Variants in FOXP1 observed in about 807,000 individuals in gnomAD.
The protein encoded by FOXP1 is forkhead box protein P1.
A neutral mutation model predicts 98.2 loss-of-function variants in FOXP1; 15 were observed. The observed-to-expected ratio is 0.15, with a 90% CI of 0.10 to 0.24. The LOEUF (loss-of-function observed/expected upper bound fraction) is 0.24, where lower values mean the gene tolerates loss of function less well. Ranked by LOEUF, FOXP1 falls within the 10% of genes least tolerant of loss-of-function variation. FOXP1 has a pLI of 1.00. For missense variants in FOXP1, 633 were observed against 848.5 expected (o/e 0.75, Z 3.15); for synonymous variants, 371 against 314.5 (o/e 1.18, Z -1.90).
At chr3:70,959,702 C>T (rs951708089) in intron 20 of FOXP1, among the ~76,000 whole-genome samples, 3 of 152,144 alleles carry the variant, frequency 2.0e-5, no homozygotes, top group Non-Finnish European at 4.4e-5. Flanking sequence ...GGTAGTGATG[C>T]TCTGAATCAC....
At chr3:71,223,530 C>T (rs749441379) in intron 5 of FOXP1, among the ~76,000 whole-genome samples, 4 of 151,878 alleles carry the variant, frequency 2.6e-5, no homozygotes, top group Admixed American at 2.0e-4. Flanking sequence ...CCAGTCTCTA[C>T]TAAAAATACA....
At chr3:71,503,264 A>G (rs543353702) in intron 2 of FOXP1, among the ~76,000 whole-genome samples, 1 of 152,310 alleles carries the variant, frequency 6.6e-6, no homozygotes, top group African/African-American at 2.4e-5. Context: ...AACAAAAGCC[A>G]TCTTACCAGA....
At chr3:71,458,781 C>T (rs1381274226) in intron 3 of FOXP1, among the ~76,000 whole-genome samples, 1 of 152,142 alleles carries the variant, frequency 6.6e-6, no homozygotes, top group African/African-American at 2.4e-5. Context: ...ACCCAAATTA[C>T]ACAGGTATAA....
chr3:71,216,061 T>C (rs1187202370), intron 5 of FOXP1, among the ~76,000 whole-genome samples: 1 of 152,198 alleles, frequency 6.6e-6, no homozygotes, highest in African/African-American at 2.4e-5. Context: ...ACCTGGCACG[T>C]GTCTATACAG....
chr3:71,356,582 A>G (rs544613819), intron 4 of FOXP1, among the ~76,000 whole-genome samples: 1 of 152,316 alleles, frequency 6.6e-6, no homozygotes, highest in Non-Finnish European at 1.5e-5. Context: ...GCTCTTTACA[A>G]GCATCACCTC....
chr3:71,509,273 C>T (rs574606401), intron 2 of FOXP1, among the ~76,000 whole-genome samples: 27 of 152,288 alleles, frequency 1.8e-4, no homozygotes, highest in Admixed American at 2.0e-4. Flanking sequence ...AATATTTGCT[C>T]ATGACTCTAG....
chr3:71,193,376 C>G (rs1359016036), intron 6 of FOXP1, among the ~76,000 whole-genome samples: 1 of 128,460 alleles, frequency 7.8e-6, no homozygotes, highest in Non-Finnish European at 1.6e-5. Flanking sequence ...TCTCAATCTC[C>G]TGACCTCGTG....
intron 19 of FOXP1, among the ~76,000 whole-genome samples, chr3:70,967,092 C>T (rs1302956491): frequency 3.3e-5 from 5 of 152,200 alleles, no homozygotes; most frequent in Non-Finnish European, 7.3e-5. Flanking sequence ...CTAGACTATG[C>T]CTGCTTTTCC....
chr3:71,534,167 C>G (rs911132083), intron 2 of FOXP1, among the ~76,000 whole-genome samples: 2 of 152,122 alleles, frequency 1.3e-5, no homozygotes, highest in African/African-American at 4.8e-5. Flanking sequence ...AGTTCGAGAC[C>G]AGCCTGGCCA....
intron 6 of FOXP1, among the ~76,000 whole-genome samples, chr3:71,141,577 T>C (rs2108000215): frequency 6.6e-6 from 1 of 152,294 alleles, no homozygotes; most frequent in South Asian, 2.1e-4. Flanking sequence ...GAACATTAGC[T>C]TCTATTTACA....
chr3:71,352,481 A>AAAAC (rs2077855407), intron 4 of FOXP1, among the ~76,000 whole-genome samples: 5 of 149,576 alleles, frequency 3.3e-5, no homozygotes, highest in Middle Eastern at 3.5e-3. Flanking sequence ...AAAAAAAAAA[A>AAAAC]AAAAAAAAAA....
At chr3:71,551,339 A>G (rs1021855476) in intron 2 of FOXP1, among the ~76,000 whole-genome samples, 2 of 152,238 alleles carry the variant, frequency 1.3e-5, no homozygotes, top group African/African-American at 4.8e-5. Flanking sequence ...TGAACACAAC[A>G]ATATTTAACT....
At chr3:71,243,866 C>T (rs2067498341) in intron 5 of FOXP1, among the ~76,000 whole-genome samples, 4 of 152,082 alleles carry the variant, frequency 2.6e-5, no homozygotes, top group Non-Finnish European at 1.5e-5. Context: ...TAGTTAAAAA[C>T]AGTAAACCTC....
intron 2 of FOXP1, among the ~76,000 whole-genome samples, chr3:71,537,336 C>T (rs958851200): frequency 1.3e-5 from 2 of 152,108 alleles, no homozygotes; most frequent in East Asian, 1.9e-4. Flanking sequence ...AGACTGAAAG[C>T]GAGGCAAGGT....
Position 71,425,723 on chromosome 3 carries a change from G to A in FOXP1, c.-167-66479C>T, listed in dbSNP as rs573480725. Among the ~76,000 whole-genome samples the A allele has an allele frequency of 3.9e-4, 59 of 151,116 alleles. 1 individual carries two copies. In the East Asian group the frequency reaches 0.011, roughly 27 times the overall value. On this transcript the variant is annotated intron_variant, in intron 3 of 20. Coordinates refer to ENST00000649528, the MANE Select transcript of FOXP1 (RefSeq NM_001349338.3). ...TCTGAGTAAGATTTCATTTGGTCAA[G>A]GCAATCAAACCACTTAAAAAAAAAA...
intron 3 of FOXP1, among the ~76,000 whole-genome samples, chr3:71,403,333 T>C (rs757902276): frequency 6.6e-6 from 1 of 152,138 alleles, no homozygotes; most frequent in Non-Finnish European, 1.5e-5. Context: ...GAGCTGGAGA[T>C]GGTGTTTTCA....
chr3:71,524,316 T>G (rs1257840621), intron 2 of FOXP1, among the ~76,000 whole-genome samples: 2 of 151,916 alleles, frequency 1.3e-5, no homozygotes, highest in Non-Finnish European at 2.9e-5. Context: ...TGAGCCAAGA[T>G]CAAGCTACTG....
At chr3:71,013,544 G>A (rs1434983735) in intron 12 of FOXP1, among the ~76,000 whole-genome samples, 1 of 152,154 alleles carries the variant, frequency 6.6e-6, no homozygotes, top group Non-Finnish European at 1.5e-5. Context: ...TGGATAGGAA[G>A]AATCAGTATC....
At chr3:71,337,198 G>C (rs556624452) in intron 4 of FOXP1, among the ~76,000 whole-genome samples, 1 of 152,310 alleles carries the variant, frequency 6.6e-6, no homozygotes, top group East Asian at 1.9e-4. Context: ...AAACTTCAAG[G>C]TGGCTAAGTT....
Sources: gnomAD v4.1 joint callset for allele counts (sites outside exome capture counted in the v4.1 genomes callset) on GRCh38, gnomAD v4.1.1 for gene constraint, MANE v1.5 for transcripts, NCBI Gene and HGNC (gene_info 2026-07-23, HGNC 2026-07-21) for gene names.